UVRAG: variants seen among roughly 807,000 people sequenced by gnomAD.
The protein encoded by UVRAG is UV radiation resistance associated, also known as UV radiation resistance-associated gene protein.
In UVRAG, 19 loss-of-function variants were observed where a neutral mutation model predicts 78.0. The ratio of observed to expected loss-of-function variants is 0.24; its 90% CI spans 0.17 to 0.36. The LOEUF (loss-of-function observed/expected upper bound fraction) is 0.36. UVRAG is among the 10% of genes least tolerant of loss of function. The pLI, the probability that UVRAG is intolerant of heterozygous loss-of-function variation, is 1.00. For missense variants in UVRAG, 740 were observed against 853.8 expected (o/e 0.87, Z 1.66); for synonymous variants, 323 against 324.6 (o/e 1.00, Z 0.05).
Position 75,928,600 on chromosome 11 carries a change from G to GA in UVRAG, c.593+16572dup, listed in dbSNP as rs1173286534. On this transcript the variant is annotated intron_variant, in intron 6 of 14. Coordinates refer to ENST00000356136, the MANE Select transcript of UVRAG (RefSeq NM_003369.4). The stretch of plus-strand genomic sequence containing the variant: ...GGTAACATAGTGAGACCCTGCCTCA[G>GA]AAAAAAAAAAAGGTTGCTGATTGGT... 2.1e-3 allele frequency among the ~76,000 whole-genome samples: 305 copies of GA among 143,466 alleles called. 1 individual carries two copies. The highest frequency in any genetic ancestry group is 7.1e-3 in the Middle Eastern group (2 of 282). 94.1% of individuals were successfully genotyped at this position (143,466 alleles called of 152,430 possible).
rs1479430712 is a variant in UVRAG at position 75,861,881 on chromosome 11, G to A, written c.270+101G>A. 5.0e-6 allele frequency: 5 copies of A among 1,005,060 alleles called. No individual in the cohort carries two copies. The African/African-American group carries it at 6.5e-5, about 13-fold the overall frequency. The allele number at this position is 1,005,060 out of a possible 1,614,324, so 62.3% of individuals were successfully genotyped here. A position where few individuals can be genotyped will look rare whatever the true frequency, so the allele number is the denominator to read the frequency against. On this transcript the variant is annotated intron_variant, in intron 3 of 14. Coordinates refer to ENST00000356136, the MANE Select transcript of UVRAG (RefSeq NM_003369.4). ...AGTTGAGGTTCAGCTCTGGTTTTAT[G>A]ATACTTTAACGGATCTGCTCAATTG... is the stretch of plus-strand genomic sequence containing the variant.
intron 13 of UVRAG, among the ~76,000 whole-genome samples, chr11:76,099,156 C>G (rs964665685): frequency 2.0e-5 from 3 of 152,180 alleles, no homozygotes; most frequent in African/African-American, 4.8e-5. Flanking sequence ...TTCACCCTTG[C>G]AATTTGCAGT....
intron 9 of UVRAG, among the ~76,000 whole-genome samples, chr11:76,006,118 A>G (rs1949933463): frequency 6.6e-6 from 1 of 152,190 alleles, no homozygotes; most frequent in South Asian, 2.1e-4. Flanking sequence ...ATCTCATAGC[A>G]TAAACTGTGG....
intron 13 of UVRAG, among the ~76,000 whole-genome samples, chr11:76,071,634 A>C (rs1254797785): frequency 6.6e-6 from 1 of 152,178 alleles, no homozygotes; most frequent in Non-Finnish European, 1.5e-5. Flanking sequence ...ATTGCAGGGA[A>C]CTAGAGTTGA....
At chr11:76,100,549 C>T (rs886930576) in intron 13 of UVRAG, among the ~76,000 whole-genome samples, 1 of 152,092 alleles carries the variant, frequency 6.6e-6, no homozygotes, top group Non-Finnish European at 1.5e-5. Flanking sequence ...ATCTTTTTCA[C>T]TTGAATTAGT....
At chr11:75,975,513 C>T (rs941278912) in intron 7 of UVRAG, among the ~76,000 whole-genome samples, 1 of 152,140 alleles carries the variant, frequency 6.6e-6, no homozygotes, top group African/African-American at 2.4e-5. Context: ...GAATGTTCTT[C>T]CATTTGTTTG....
At chr11:75,837,677 A>G (rs1023861731) in intron 1 of UVRAG, 1 of 151,834 alleles carries the variant, frequency 6.6e-6, no homozygotes, top group South Asian at 2.1e-4. Flanking sequence ...AATATTTTCT[A>G]TCTGTAATTG....
At chr11:76,083,817 C>T (rs1951539682) in intron 13 of UVRAG, among the ~76,000 whole-genome samples, 1 of 152,116 alleles carries the variant, frequency 6.6e-6, no homozygotes, top group Non-Finnish European at 1.5e-5. Context: ...ATCATCTGAA[C>T]GGAATGTGCC....
rs1183700608 is a variant in UVRAG at position 75,815,265 on chromosome 11, C to T, written c.-143C>T. The stretch of plus-strand genomic sequence containing the variant: ...GCAACGGCGGCAGCGGCGGCAGCGG[C>T]GGCGGCTACTGTCTGGGCTGAGCAG... On this transcript the variant is annotated 5_prime_UTR_variant, in exon 1 of 15. Coordinates refer to ENST00000356136, the MANE Select transcript of UVRAG (RefSeq NM_003369.4). 7 of 476,818 alleles carry T rather than the reference C, an allele frequency of 1.5e-5. No individual in the cohort carries two copies. The Admixed American group carries it at 2.6e-4, about 17-fold the overall frequency. The allele number at this position is 476,818 out of a possible 1,614,324, so 29.5% of individuals were successfully genotyped here.
chr11:76,140,977 T>C lies in UVRAG; in HGVS notation c.1664T>C (p.Leu555Ser). ...CTATCCTCCTCCTTGGATACCTCCTTGGACTTCTCCAAAGAAAACAAGAAA... is the reference window on the plus strand; with the variant it reads ...CTATCCTCCTCCTTGGATACCTCCTCGGACTTCTCCAAAGAAAACAAGAAA... ...TSLSSSLDTS[L>S]DFSKENKKKG... Residue 555 changes from leucine (L) to serine (S), a missense_variant, in exon 15 of 15, where the codon TTG becomes TCG. Transcript: ENST00000356136. 1 of 1,614,094 alleles carries C rather than the reference T, an allele frequency of 6.2e-7. No individual in the cohort carries two copies. The highest frequency in any genetic ancestry group is 1.1e-5 in the South Asian group (1 of 91,066).
chr11:75,950,655 C>T (rs567042315), intron 6 of UVRAG, among the ~76,000 whole-genome samples: 17 of 152,248 alleles, frequency 1.1e-4, no homozygotes, highest in African/African-American at 4.1e-4. Flanking sequence ...TACATTTTTA[C>T]AGTCCCTCCA....
At position 76,143,901 on chromosome 11, in the gene UVRAG, A is replaced by G. The variant is rs1565179762; in HGVS notation, c.*2488A>G. ...TACTATCTATTTCTGAACTGCTAAG[A>G]ACCCTTTCAGTTTTCTTACAGCTGA... On this transcript the variant is annotated 3_prime_UTR_variant, in exon 15 of 15. Coordinates refer to ENST00000356136, the MANE Select transcript of UVRAG (RefSeq NM_003369.4). 6.6e-6 allele frequency among the ~76,000 whole-genome samples: 1 copy of G among 152,246 alleles called. No homozygotes were observed. Among genetic ancestry groups the G allele is most frequent in the Non-Finnish European group, 1.5e-5 (1 of 68,042 alleles).
chr11:76,119,170 TC>T (rs1952234006), intron 14 of UVRAG, among the ~76,000 whole-genome samples: 1 of 152,194 alleles, frequency 6.6e-6, no homozygotes, highest in Admixed American at 6.5e-5. Context: ...TTCATCCTTA[TC>T]CTGTTCAGTG....
chr11:76,079,807 T>C (rs566597796), intron 13 of UVRAG, among the ~76,000 whole-genome samples: 1 of 152,354 alleles, frequency 6.6e-6, no homozygotes, highest in East Asian at 1.9e-4. Flanking sequence ...TCTAACTTCC[T>C]GAAAACAGTT....
At chr11:76,056,898 A>T (rs748259711) in intron 12 of UVRAG, among the ~76,000 whole-genome samples, 2 of 152,182 alleles carry the variant, frequency 1.3e-5, no homozygotes, top group African/African-American at 4.8e-5. Flanking sequence ...TGGTCTCTCT[A>T]AGGGTGATTC....
At chr11:76,128,813 A>C (rs1952461474) in intron 14 of UVRAG, among the ~76,000 whole-genome samples, 1 of 152,104 alleles carries the variant, frequency 6.6e-6, no homozygotes, top group Non-Finnish European at 1.5e-5. Context: ...CGATTTAGAT[A>C]TAATTCCCTG....
At position 75,895,271 on chromosome 11, in the gene UVRAG, C is replaced by G. The variant is rs147637522; in HGVS notation, c.507+6368C>G. ...ATGATTTTGTTGATGTTAATACTCC[C>G]TCTGTCTACATTATCTTAATATGTC... On this transcript the variant is annotated intron_variant, in intron 5 of 14. Coordinates refer to ENST00000356136, the MANE Select transcript of UVRAG (RefSeq NM_003369.4). 1.6e-3 allele frequency among the ~76,000 whole-genome samples: 244 copies of G among 152,294 alleles called. 6 individuals are homozygous for G. In the East Asian group the frequency reaches 0.033, roughly 21 times the overall value.
At chr11:76,051,991 C>A (rs1338327576) in intron 12 of UVRAG, among the ~76,000 whole-genome samples, 1 of 152,182 alleles carries the variant, frequency 6.6e-6, no homozygotes, top group African/African-American at 2.4e-5. Context: ...CTCCTTCAGT[C>A]CAGTTCTGTT....
intron 2 of UVRAG, among the ~76,000 whole-genome samples, chr11:75,853,763 T>G (rs1946216268): frequency 7.6e-6 from 1 of 131,528 alleles, no homozygotes; most frequent in Non-Finnish European, 1.5e-5. Context: ...TTTATTTGTT[T>G]ATTTATTTAT....
Sources: gnomAD v4.1 joint callset for allele counts (sites outside exome capture counted in the v4.1 genomes callset) on GRCh38, gnomAD v4.1.1 for gene constraint, MANE v1.5 for transcripts, NCBI Gene and HGNC (gene_info 2026-07-23, HGNC 2026-07-21) for gene names.